ATP8A2: variants seen among roughly 807,000 people sequenced by gnomAD.
ATP8A2 encodes the protein ATPase phospholipid transporting 8A2, also known as phospholipid-transporting ATPase IB.
A neutral mutation model predicts 165.6 loss-of-function variants in ATP8A2; 100 were observed. The ratio of observed to expected loss-of-function variants is 0.60; its 90% confidence interval spans 0.51 to 0.71. The LOEUF is 0.71. Ranked by LOEUF, ATP8A2 falls within the 30% of genes least tolerant of loss-of-function variation. The pLI is 0.00. For synonymous variants in ATP8A2, 543 were observed against 548.8 expected (o/e 0.99, Z 0.15); for missense variants, 1,227 against 1,479.5 (o/e 0.83, Z 2.80).
At chr13:25,558,779 A>C (rs2039056840) in intron 13 of ATP8A2, among the ~76,000 whole-genome samples, 194 bp from the exon 14 acceptor site, 1 of 152,214 alleles carries the variant, frequency 6.6e-6, no homozygotes, top group Admixed American at 6.5e-5. Flanking sequence ...TGATTATATA[A>C]TTAGTTATGG....
Position 25,524,940 on chromosome 13 carries a change from T to A in ATP8A2, c.222-5059T>A, listed in dbSNP as rs576933748. 1.0e-3 allele frequency among the ~76,000 whole-genome samples: 149 copies of A among 145,906 alleles called. 1 individual carries two copies. The highest frequency in any genetic ancestry group is 1.1e-4 in the Non-Finnish European group (7 of 65,388). ...CTTCCTTCCTTCCTTCCTTCCTTCT[T>A]TCCTTCCGTCTTTCAGTCCTTCTTT... On this transcript the variant is annotated intron_variant, in intron 2 of 36. Coordinates refer to ENST00000381655, the MANE Select transcript of ATP8A2 (RefSeq NM_016529.6).
intron 30 of ATP8A2, among the ~76,000 whole-genome samples, 174 bp downstream of exon 30, chr13:25,839,798 G>A (rs1166857473): frequency 6.6e-6 from 1 of 152,122 alleles, no homozygotes; most frequent in Non-Finnish European, 1.5e-5. Context: ...TAGCTGTTAG[G>A]TTTCATCAGT....
At chr13:25,714,625 G>A (rs561105853) in intron 25 of ATP8A2, among the ~76,000 whole-genome samples, 1 of 152,242 alleles carries the variant, frequency 6.6e-6, no homozygotes, top group Admixed American at 6.5e-5. Context: ...ATAAATATTG[G>A]TGAATGAATG....
At chr13:25,889,261 T>TATATATATATATAC (rs1312048555) in intron 33 of ATP8A2, among the ~76,000 whole-genome samples, 1 of 145,656 alleles carries the variant, frequency 6.9e-6, no homozygotes. Context: ...TATATATATA[T>TATATATATATATAC]ATATATATAT....
chr13:25,990,118 A>G (rs945492196), intron 35 of ATP8A2, among the ~76,000 whole-genome samples: 1 of 152,152 alleles, frequency 6.6e-6, no homozygotes, highest in Admixed American at 6.5e-5. Flanking sequence ...TGGCCTTGCC[A>G]TTTCCATCTT....
chr13:25,924,579 T>C (rs1301236410), intron 33 of ATP8A2, among the ~76,000 whole-genome samples: 3 of 152,182 alleles, frequency 2.0e-5, no homozygotes, highest in Non-Finnish European at 4.4e-5. Flanking sequence ...GTATCTGCAA[T>C]GACCCTATTT....
chr13:25,644,612 T>G (rs946974845), intron 24 of ATP8A2, among the ~76,000 whole-genome samples: 1 of 151,938 alleles, frequency 6.6e-6, no homozygotes, highest in Admixed American at 6.6e-5. Context: ...TTTGAAGGCG[T>G]GTCTAAAAAA....
intron 1 of ATP8A2, among the ~76,000 whole-genome samples, chr13:25,449,560 C>T (rs1242772034): frequency 6.6e-6 from 1 of 152,172 alleles, no homozygotes; most frequent in Non-Finnish European, 1.5e-5. Context: ...TAAGTGTCAG[C>T]TGTGTCCAGG....
chr13:25,762,243 TG>T (rs1357359204), intron 25 of ATP8A2, among the ~76,000 whole-genome samples: 159 of 113,828 alleles, frequency 1.4e-3, no homozygotes, highest in African/African-American at 5.6e-3. Context: ...CACTCCAGCC[TG>T]GGTGATGGAG....
At chr13:25,454,114 C>G (rs948231130) in intron 1 of ATP8A2, among the ~76,000 whole-genome samples, 3 of 152,122 alleles carry the variant, frequency 2.0e-5, no homozygotes, top group Non-Finnish European at 4.4e-5. Context: ...TGCATGGTCT[C>G]TTGGCACTGT....
intron 30 of ATP8A2, 26 bp downstream of exon 30, chr13:25,839,650 C>T (rs1951709556): frequency 1.9e-6 from 3 of 1,593,124 alleles, no homozygotes; most frequent in Non-Finnish European, 1.7e-6. Flanking sequence ...TTTCACCTGT[C>T]AGCAAGGAGC....
chr13:25,833,771 G>A (rs1011160816), intron 28 of ATP8A2, among the ~76,000 whole-genome samples: 3 of 152,204 alleles, frequency 2.0e-5, no homozygotes, highest in East Asian at 3.8e-4. Context: ...TCATGGAAGA[G>A]TAACTTCTGT....
intron 24 of ATP8A2, among the ~76,000 whole-genome samples, chr13:25,668,886 C>T (rs944757598): frequency 5.3e-5 from 8 of 152,056 alleles, no homozygotes; most frequent in Non-Finnish European, 1.0e-4. Context: ...CTGTTTGATT[C>T]GTTTTTATAA....
chr13:25,903,567 G>A (rs542051109), intron 33 of ATP8A2, among the ~76,000 whole-genome samples: 1 of 152,180 alleles, frequency 6.6e-6, no homozygotes, highest in Non-Finnish European at 1.5e-5. Flanking sequence ...TCCTTGCAAT[G>A]ATCCAGACCA....
At chr13:25,433,927 A>G (rs1042469527) in intron 1 of ATP8A2, among the ~76,000 whole-genome samples, 9 of 152,226 alleles carry the variant, frequency 5.9e-5, no homozygotes, top group African/African-American at 1.9e-4. Flanking sequence ...AACAGTGGGT[A>G]CACATGGACA....
At chr13:25,825,398 G>A (rs1951289611) in intron 27 of ATP8A2, among the ~76,000 whole-genome samples, 3 of 151,558 alleles carry the variant, frequency 2.0e-5, no homozygotes, top group Admixed American at 1.3e-4. Context: ...GGCTCAAGCA[G>A]TTCTCTCCCC....
intron 1 of ATP8A2, among the ~76,000 whole-genome samples, chr13:25,377,539 T>C (rs2032677033): frequency 1.3e-5 from 2 of 152,186 alleles, no homozygotes; most frequent in Admixed American, 6.5e-5. Context: ...GTGGCTCATG[T>C]CTGCAATCCC....
chr13:25,579,539 G>A (rs1262939323), intron 21 of ATP8A2, among the ~76,000 whole-genome samples: 1 of 152,080 alleles, frequency 6.6e-6, no homozygotes, highest in South Asian at 2.1e-4. Context: ...CATGGATCAT[G>A]CACAGCTCCC....
chr13:25,761,332 T>C (rs561660365), intron 25 of ATP8A2, among the ~76,000 whole-genome samples: 33 of 152,326 alleles, frequency 2.2e-4, no homozygotes, highest in African/African-American at 6.5e-4. Context: ...TAATGAGATA[T>C]ACGTTTGTCA....
Sources: gnomAD v4.1 joint callset for allele counts (sites outside exome capture counted in the v4.1 genomes callset) on GRCh38, gnomAD v4.1.1 for gene constraint, MANE v1.5 for transcripts, NCBI Gene and HGNC (gene_info 2026-07-23, HGNC 2026-07-21) for gene names.